The following RECQL4 variants were observed in gnomAD, a reference collection of about 807,000 sequenced individuals.
RECQL4 encodes ATP-dependent DNA helicase Q4.
A neutral mutation model predicts 128.6 loss-of-function variants in RECQL4; 158 were observed. The observed-to-expected ratio is 1.23, with a 90% CI of 1.08 to 1.40. The LOEUF is 1.40. RECQL4 is among the 40% of genes most tolerant of loss of function. The probability of loss-of-function intolerance (pLI) is 0.00; values close to 1 mark genes in which losing one functional copy is unlikely to be tolerated. For missense variants in RECQL4, 2,293 were observed against 1,649.8 expected (o/e 1.39, Z -6.75); for synonymous variants, 996 against 678.9 (o/e 1.47, Z -7.26).
Position 144,512,724 on chromosome 8 carries a change from G to A in RECQL4, c.2803C>T (p.Leu935=), listed in dbSNP as rs745494721. The A allele has an allele frequency of 3.1e-6, 5 of 1,612,346 alleles. No homozygotes were observed. The highest frequency in any genetic ancestry group is 1.7e-4 in the Middle Eastern group (1 of 6,060). ...CYLELHPHHW[L]ELLATTYTHC... ...GTATAGGTGGTCGCCAGCAGCTCCA[G>A]CCAGTGGTGTGGGTGCAGCTCCAGG... Residue 935 remains leucine (L), a synonymous_variant, in exon 16 of 21, where the codon CTG becomes TTG. Coordinates refer to ENST00000617875, the MANE Select transcript of RECQL4 (RefSeq NM_004260.4).
rs777361751 is a variant in RECQL4 at position 144,517,101 on chromosome 8, C to T, written c.303G>A (p.Ser101=). Residue 101 remains serine, a synonymous_variant, in exon 4 of 21, where the codon TCG becomes TCA. Transcript: ENST00000617875. ...TGAGCCGCTGCCCGTAGTCCGGCAC[C>T]GAGCCCTGGCGGCTCCGCCCTGGCG... ...QSTPGRSRQG[S]VPDYGQRLKA... 5 of 1,612,416 alleles carry T rather than the reference C, an allele frequency of 3.1e-6. No homozygotes were observed. In the African/African-American group the frequency reaches 4.0e-5, roughly 13 times the overall value.
chr8:144,516,533 T>C lies in RECQL4; in HGVS notation c.586A>G (p.Ser196Gly). ...GCCCCCAGAAAATCTGGGACCTCACTGTGACATCGCTGTAACCAGCCAGGA... is the reference window on the plus strand; with the variant it reads ...GCCCCCAGAAAATCTGGGACCTCACCGTGACATCGCTGTAACCAGCCAGGA... Reference protein sequence around the residue: ...LDPGWLQRCHSEVPDFLGAPK... With the variant: ...LDPGWLQRCHGEVPDFLGAPK... The change falls in exon 5 of 21, where the codon AGT (serine) becomes GGT (glycine). Residue 196 changes from serine to glycine, a missense_variant. Ser to Gly is a moderately conservative substitution (Grantham distance 56). Coordinates refer to ENST00000617875, the MANE Select transcript of RECQL4 (RefSeq NM_004260.4). The C allele has an allele frequency of 6.2e-7, 1 of 1,610,120 alleles. No homozygotes were observed. Among genetic ancestry groups the C allele is most frequent in the Non-Finnish European group, 8.5e-7 (1 of 1,179,318 alleles).
intron 9 of RECQL4, 70 bp from the exon 10 acceptor site, chr8:144,514,595 C>T (rs1039299163): frequency 6.8e-7 from 1 of 1,478,506 alleles, no homozygotes; most frequent in South Asian, 1.2e-5. Flanking sequence ...CATCCCAGAG[C>T]TGCTGCCATG....
At chr8:144,512,368 G>A (rs182454890) in intron 17 of RECQL4, 24 bp downstream of exon 17, 41 of 1,609,090 alleles carry the variant, frequency 2.5e-5, no homozygotes, top group African/African-American at 1.2e-4. Context: ...CGTCCAGGGC[G>A]GTGTGGGGTG....
Position 144,517,407 on chromosome 8 carries a change from T to G in RECQL4, c.213+7A>C, listed in dbSNP as rs2130739864. 6.4e-7 allele frequency: 1 copy of G among 1,564,636 alleles called. No individual in the cohort carries two copies. On this transcript the variant is annotated splice_region_variant and intron_variant, in intron 3 of 20. Transcript: ENST00000617875. ...GGGAGGAGGCTGGGGCGGCGGGGCCTGGGTACCTCTTCGGCCGCCGCGGGG... is the reference window on the plus strand; with the variant it reads ...GGGAGGAGGCTGGGGCGGCGGGGCCGGGGTACCTCTTCGGCCGCCGCGGGG...
chr8:144,514,836 C>T (rs1827915396), intron 9 of RECQL4, 100 bp downstream of exon 9: 5 of 1,444,792 alleles, frequency 3.5e-6, no homozygotes, highest in South Asian at 2.5e-5. Flanking sequence ...TTGAAGCTCC[C>T]AGGGGAGGGG....
At position 144,513,698 on chromosome 8, in the gene RECQL4, C is replaced by A; in HGVS notation, c.2073G>T (p.Leu691=). 6.5e-7 allele frequency: 1 copy of A among 1,547,006 alleles called. No homozygotes were observed. The highest frequency in any genetic ancestry group is 8.7e-7 in the Non-Finnish European group (1 of 1,146,256). The part of the protein sequence containing the change: ...DRDTDQALLT[L]LQGKRFQNLD... The stretch of plus-strand genomic sequence containing the variant: ...GGTTTTGAAAACGTTTGCCTTGCAG[C>A]AGCGTCAACAGTGCCTGATGAGGAG... The change falls in exon 13 of 21, where the codon CTG becomes CTT. Residue 691 remains leucine (L), a synonymous_variant. Transcript: ENST00000617875.
In RECQL4 at chr8:144,517,560, ACCCGGTGTCTTCTCGCCCCCGCCGC is replaced by A; in HGVS notation, c.118+17_118+41del. The A allele has an allele frequency of 6.6e-7, 1 of 1,505,466 alleles. No individual in the cohort carries two copies. Among genetic ancestry groups the A allele is most frequent in the Non-Finnish European group, 8.8e-7 (1 of 1,136,296 alleles). The allele number at this position is 1,505,466 out of a possible 1,614,324, so 93.3% of individuals were successfully genotyped here. On this transcript the variant is annotated intron_variant, in intron 2 of 20. Coordinates refer to ENST00000617875, the MANE Select transcript of RECQL4 (RefSeq NM_004260.4). The stretch of plus-strand genomic sequence containing the variant: ...CAGGGTGGGGCCTGGGCCCCTGCCG[ACCCGGTGTCTTCTCGCCCCCGCCGC>A]CCCGCCGCGCGCTCACCGCGGGTCT...
rs750202919 is a variant in RECQL4, at chr8:144,512,482, T to C, written c.2965A>G (p.Met989Val). The C allele has an allele frequency of 2.5e-6, 4 of 1,612,300 alleles. No homozygotes were observed. In the African/African-American group the frequency reaches 4.0e-5, roughly 16 times the overall value. Residue 989 changes from methionine to valine, a missense_variant, in exon 17 of 21, where the codon ATG (methionine) becomes GTG (valine). Met to Val is a conservative substitution (Grantham distance 21). Coordinates refer to ENST00000617875, the MANE Select transcript of RECQL4 (RefSeq NM_004260.4). ...GQGSSSVEFDMVKLVDSMGWE... is the reference protein window; with the variant it reads ...GQGSSSVEFDVVKLVDSMGWE... ...CCCATGGAGTCCACCAGCTTGACCA[T>C]GTCAAACTCCACGGAGCTGCTGCCT...
chr8:144,513,163 G>A (rs769718126), intron 14 of RECQL4, 25 bp from the exon 15 acceptor site: 4 of 1,557,822 alleles, frequency 2.6e-6, no homozygotes, highest in South Asian at 1.2e-5. Context: ...TCATGAGGGT[G>A]GGGTGGACCA....
In RECQL4 at chr8:144,512,762, G is replaced by C. The variant is rs753044583; in HGVS notation, c.2765C>G (p.Thr922Ser). 6.2e-7 allele frequency: 1 copy of C among 1,611,904 alleles called. No individual in the cohort carries two copies. Among genetic ancestry groups the C allele is most frequent in the African/African-American group, 1.3e-5 (1 of 75,082 alleles). ...GTGCAGCTCCAGGTAGCACAGCAAA[G>C]TCTCGATGGCTGGGGGCAGAGCAGG... ...ALDMPEEAIE[T>S]LLCYLELHPH... The change falls in exon 16 of 21, where the codon ACT (threonine) becomes AGT (serine). Residue 922 changes from threonine to serine, a missense_variant. Coordinates refer to ENST00000617875, the MANE Select transcript of RECQL4 (RefSeq NM_004260.4).
intron 1 of RECQL4, 33 bp from the exon 2 acceptor site, chr8:144,517,668 C>T (rs1815416214): frequency 6.8e-7 from 1 of 1,463,582 alleles, no homozygotes; most frequent in Non-Finnish European, 9.0e-7. Context: ...GCGGGCCGCG[C>T]CCTCAGCCCC....
Position 144,512,838 on chromosome 8 carries a change from G to T in RECQL4, c.2755+9C>A, listed in dbSNP as rs749496256. On this transcript the variant is annotated intron_variant, in intron 15 of 20. Transcript: ENST00000617875. ...TCCACACCCCTGTGGCTTACCCCAG[G>T]TTCCTCACCCTCCTCCGGCATGTCC... is the stretch of plus-strand genomic sequence containing the variant. The T allele has an allele frequency of 3.1e-6, 5 of 1,607,044 alleles. No homozygotes were observed. In the Admixed American group the frequency reaches 6.8e-5, roughly 22 times the overall value.
chr8:144,513,196 T>TGG (rs1491029978), intron 14 of RECQL4, 22 bp downstream of exon 14: 1 of 514,488 alleles, frequency 1.9e-6, no homozygotes, highest in Non-Finnish European at 3.0e-6. Flanking sequence ...GCACTGGCAG[T>TGG]GTGGGGGGGG....
At position 144,512,462 on chromosome 8, in the gene RECQL4, G is replaced by A. The variant is rs980962861; in HGVS notation, c.2985C>T (p.Ser995=). The A allele has an allele frequency of 2.5e-6, 4 of 1,611,964 alleles. No individual in the cohort carries two copies. Among genetic ancestry groups the A allele is most frequent in the South Asian group, 1.1e-5 (1 of 91,072 alleles). Residue 995 remains serine (S), a synonymous_variant, in exon 17 of 21, where the codon TCC becomes TCT. Coordinates refer to ENST00000617875, the MANE Select transcript of RECQL4 (RefSeq NM_004260.4). The part of the protein sequence containing the change: ...VEFDMVKLVD[S]MGWELASVRR... ...GCACAGAGGCCAGCTCCCAGCCCAT[G>A]GAGTCCACCAGCTTGACCATGTCAA...
chr8:144,514,420 C>T (rs756514012), intron 10 of RECQL4, 22 bp downstream of exon 10: 6 of 1,609,786 alleles, frequency 3.7e-6, no homozygotes, highest in Non-Finnish European at 5.1e-6. Context: ...CTCCCTCACC[C>T]CTAGGCCCAT....
chr8:144,517,576 C>G (rs1484818577), intron 2 of RECQL4, 26 bp downstream of exon 2: 4 of 1,480,660 alleles, frequency 2.7e-6, no homozygotes, highest in Non-Finnish European at 3.6e-6. Context: ...TGTCTTCTCG[C>G]CCCCGCCGCC....
rs759705628 is a variant in RECQL4, at chr8:144,514,074, G to A, written c.1912C>T (p.Leu638=). Residue 638 remains leucine, a synonymous_variant, in exon 12 of 21, where the codon CTG becomes TTG. Transcript: ENST00000617875. ...LRERMGVHCF[L]GLTATATRRT... is the part of the protein sequence containing the mutation. Reference sequence around the variant, plus strand: ...CGTGTGGCTGTGGCTGTGAGGCCCAGGAAGCAGTGCACGCCCATGCGCTCC... The same window carrying A: ...CGTGTGGCTGTGGCTGTGAGGCCCAAGAAGCAGTGCACGCCCATGCGCTCC... The A allele has an allele frequency of 5.0e-6, 8 of 1,593,488 alleles. No individual in the cohort carries two copies. The East Asian group carries it at 1.1e-4, about 23-fold the overall frequency.
intron 9 of RECQL4, 41 bp from the exon 10 acceptor site, chr8:144,514,566 C>A: frequency 1.9e-6 from 3 of 1,581,896 alleles, no homozygotes; most frequent in East Asian, 2.3e-5. Flanking sequence ...GCCAGCCCAG[C>A]CCTGGCCCTT....
Sources: allele counts gnomAD v4.1 joint callset, GRCh38; gene constraint gnomAD v4.1.1; transcripts MANE v1.5; gene names NCBI Gene and HGNC (gene_info 2026-07-23, HGNC 2026-07-21).